Variants in EYA4 observed in about 807,000 individuals in gnomAD.
The protein encoded by EYA4 is protein phosphatase EYA4.
Under a neutral mutation model 87.9 loss-of-function variants are expected in EYA4, and 31 were observed. That is an observed-to-expected ratio of 0.35 (90% confidence interval 0.27 to 0.48). EYA4 has a LOEUF of 0.48. Among genes scored for constraint, EYA4 ranks in the 20% least tolerant of loss-of-function variants. EYA4 has a pLI of 0.99. For synonymous variants in EYA4, 263 were observed against 270.6 expected (o/e 0.97, Z 0.28); for missense variants, 678 against 761.4 (o/e 0.89, Z 1.29).
intron 2 of EYA4, among the ~76,000 whole-genome samples, chr6:133,363,729 C>A (rs1212240948): frequency 6.6e-6 from 1 of 152,086 alleles, no homozygotes; most frequent in African/African-American, 2.4e-5. Flanking sequence ...CCCGCCTTGG[C>A]CTCCCAAAGT....
chr6:133,487,671 A>G (rs1796795829), intron 13 of EYA4, among the ~76,000 whole-genome samples: 1 of 152,156 alleles, frequency 6.6e-6, no homozygotes, highest in Admixed American at 6.5e-5. Context: ...TCTTGGCAAG[A>G]TTCATCACCT....
At chr6:133,336,574 A>G (rs1782382075) in intron 2 of EYA4, among the ~76,000 whole-genome samples, 1 of 152,222 alleles carries the variant, frequency 6.6e-6, no homozygotes, top group African/African-American at 2.4e-5. Flanking sequence ...AAGACATGCA[A>G]CAGCCAACAA....
At chr6:133,286,189 T>C (rs1482561408) in intron 2 of EYA4, among the ~76,000 whole-genome samples, 1 of 152,152 alleles carries the variant, frequency 6.6e-6, no homozygotes. Context: ...GGATCCCCAG[T>C]TATGAAGAAC....
chr6:133,393,480 A>G (rs965445426), intron 3 of EYA4, among the ~76,000 whole-genome samples: 1 of 152,112 alleles, frequency 6.6e-6, no homozygotes, highest in African/African-American at 2.4e-5. Flanking sequence ...AAATTGGGTG[A>G]TATTTTAGCA....
intron 3 of EYA4, among the ~76,000 whole-genome samples, chr6:133,414,009 A>G (rs1309717709): frequency 6.6e-6 from 1 of 152,164 alleles, no homozygotes; most frequent in African/African-American, 2.4e-5. Flanking sequence ...TAAAATTTCT[A>G]GAATCTATTG....
chr6:133,329,584 A>G (rs1273111629), intron 2 of EYA4, among the ~76,000 whole-genome samples: 1 of 152,108 alleles, frequency 6.6e-6, no homozygotes, highest in African/African-American at 2.4e-5. Context: ...TGAATAATTA[A>G]CCTAGATTAT....
chr6:133,394,284 GTTTTTTTTTTTTTTTT>G (rs869103311), intron 3 of EYA4, among the ~76,000 whole-genome samples: 6 of 17,876 alleles, frequency 3.4e-4, no homozygotes, highest in African/African-American at 4.5e-4. Context: ...ATAAGCTTGT[GTTTTTTTTTTTTTTTT>G]TTTTTTTTTT....
At chr6:133,514,775 A>T (rs1799446908) in intron 16 of EYA4, among the ~76,000 whole-genome samples, 2 of 152,198 alleles carry the variant, frequency 1.3e-5, no homozygotes, top group African/African-American at 4.8e-5. Context: ...AAAATTATTA[A>T]TTTTTTACAT....
intron 3 of EYA4, among the ~76,000 whole-genome samples, chr6:133,428,944 T>G (rs407151): frequency 1.6e-5 from 2 of 128,614 alleles, no homozygotes; most frequent in South Asian, 5.1e-4. Flanking sequence ...TTTTTTTTTG[T>G]GAAATGGAGT....
chr6:133,269,351 C>T (rs1206883117), intron 1 of EYA4, among the ~76,000 whole-genome samples: 1 of 152,136 alleles, frequency 6.6e-6, no homozygotes, highest in Non-Finnish European at 1.5e-5. Flanking sequence ...CCTCCCTTCC[C>T]TTTTCATATG....
chr6:133,348,963 C>A (rs1783427790), intron 2 of EYA4, among the ~76,000 whole-genome samples: 2 of 152,162 alleles, frequency 1.3e-5, no homozygotes, highest in African/African-American at 4.8e-5. Flanking sequence ...CTTTGAGGCT[C>A]TACACAAACA....
intron 13 of EYA4, 143 bp downstream of exon 13, chr6:133,483,258 C>T (rs938537116): frequency 2.5e-5 from 16 of 629,146 alleles, no homozygotes; most frequent in Non-Finnish European, 4.4e-5. Flanking sequence ...TTTCTAGTGT[C>T]TTATAGTTCT....
At chr6:133,479,703 A>C (rs1398643872) in intron 11 of EYA4, among the ~76,000 whole-genome samples, 1 of 152,194 alleles carries the variant, frequency 6.6e-6, no homozygotes, top group South Asian at 2.1e-4. Context: ...ATATAATTTA[A>C]ATCAAATTAA....
Position 133,529,511 on chromosome 6 carries a change from C to T in EYA4, c.*706C>T. 1 of 930,216 alleles carries T rather than the reference C, an allele frequency of 1.1e-6. No individual in the cohort carries two copies. The highest frequency in any genetic ancestry group is 2.0e-5 in the African/African-American group (1 of 50,756). 57.6% of individuals were successfully genotyped at this position (930,216 alleles called of 1,614,324 possible). A position where few individuals can be genotyped will look rare whatever the true frequency, so the allele number is the denominator to read the frequency against. ...TACAATGTAACTTTGGTTAAAATCT[C>T]TGTAGATAATGAAAAAAAACAAAAA... On this transcript the variant is annotated 3_prime_UTR_variant, in exon 20 of 20. Coordinates refer to ENST00000355286, the MANE Select transcript of EYA4 (RefSeq NM_004100.5).
chr6:133,464,965 ATTTAAAAATTATGATAGCAT>A, intron 10 of EYA4, 107 bp downstream of exon 10: 1 of 715,728 alleles, frequency 1.4e-6, no homozygotes. Flanking sequence ...AGGTTTCTTT[ATTTAAAAATTATGATAGCAT>A]TTCAGGATAG....
At chr6:133,503,227 C>T (rs1160176832) in intron 13 of EYA4, among the ~76,000 whole-genome samples, 2 of 152,132 alleles carry the variant, frequency 1.3e-5, no homozygotes, top group African/African-American at 4.8e-5. Flanking sequence ...CACAGAGTTA[C>T]GTACTTCAGA....
At chr6:133,357,657 A>G (rs1235355710) in intron 2 of EYA4, among the ~76,000 whole-genome samples, 5 of 152,120 alleles carry the variant, frequency 3.3e-5, no homozygotes, top group Non-Finnish European at 7.3e-5. Context: ...TTTCACAGAC[A>G]CAGGAGCCCA....
intron 13 of EYA4, among the ~76,000 whole-genome samples, chr6:133,500,797 G>A (rs1017490486): frequency 3.9e-5 from 6 of 152,036 alleles, no homozygotes; most frequent in Non-Finnish European, 8.8e-5. Context: ...CGTATCTGCT[G>A]TCACATTCCT....
chr6:133,387,857 A>C (rs1285736122), intron 3 of EYA4, among the ~76,000 whole-genome samples: 13 of 151,990 alleles, frequency 8.6e-5, no homozygotes. Context: ...TCTTTTCATC[A>C]TTTTTGGCTG....
Sources: allele counts gnomAD v4.1 joint callset (sites outside exome capture counted in the v4.1 genomes callset), GRCh38; gene constraint gnomAD v4.1.1; transcripts MANE v1.5; gene names NCBI Gene and HGNC (gene_info 2026-07-23, HGNC 2026-07-21).